The following MCPH1 variants were observed in gnomAD, a reference collection of about 807,000 sequenced individuals.
MCPH1 encodes microcephalin.
In MCPH1, 104 loss-of-function variants were observed where a neutral mutation model predicts 84.5. The ratio of observed to expected loss-of-function variants is 1.23; its 90% CI spans 1.05 to 1.45. The LOEUF (loss-of-function observed/expected upper bound fraction) is 1.45, where lower values mean the gene tolerates loss of function less well. MCPH1 is among the 40% of genes most tolerant of loss of function. The probability of loss-of-function intolerance (pLI) is 0.00; values close to 1 mark genes in which losing one functional copy is unlikely to be tolerated. For synonymous variants in MCPH1, 514 were observed against 366.8 expected (o/e 1.40, Z -4.58); for missense variants, 1,498 against 1,005.7 (o/e 1.49, Z -6.62).
chr8:6,540,910 G>T (rs1275369325), intron 12 of MCPH1, among the ~76,000 whole-genome samples: 1 of 152,272 alleles, frequency 6.6e-6, no homozygotes, highest in Non-Finnish European at 1.5e-5. Flanking sequence ...CTCCCAAGGA[G>T]CCCTGGGACA....
chr8:6,535,203 A>AG (rs988639067), intron 12 of MCPH1, among the ~76,000 whole-genome samples: 3 of 152,220 alleles, frequency 2.0e-5, no homozygotes, highest in African/African-American at 7.2e-5. Context: ...ACAACCAGAG[A>AG]GGGAAAATGA....
intron 12 of MCPH1, among the ~76,000 whole-genome samples, chr8:6,581,032 T>G (rs1172179806): frequency 6.6e-6 from 1 of 152,224 alleles, no homozygotes; most frequent in Non-Finnish European, 1.5e-5. Context: ...GCATTTACAT[T>G]GTATTAACTA....
Position 6,621,461 on chromosome 8 carries a change from G to A in MCPH1, c.2222G>A (p.Arg741Gln), listed in dbSNP as rs779231385. The change falls in exon 13 of 14, where the codon CGA becomes CAA. Residue 741 changes from arginine (R) to glutamine (Q), a missense_variant. Coordinates refer to ENST00000344683, the MANE Select transcript of MCPH1 (RefSeq NM_024596.5). ...TCTCTGTCTGCCCCACAGCTGTGCC[G>A]AAGCGAGTGCCACTTGTCTGCAGGG... ...SHHFPAAPLC[R>Q]SECHLSAGPY... The A allele has an allele frequency of 1.4e-5, 22 of 1,613,846 alleles. No individual in the cohort carries two copies. The highest frequency in any genetic ancestry group is 1.3e-4 in the Admixed American group (8 of 59,994).
chr8:6,626,100 TATG>T, intron 13 of MCPH1: 2 of 985,370 alleles, frequency 2.0e-6, no homozygotes, highest in Non-Finnish European at 2.4e-6. Flanking sequence ...ACTCCATATC[TATG>T]ACGATAAAAA....
chr8:6,503,975 A>G (rs528193381), intron 12 of MCPH1, among the ~76,000 whole-genome samples: 2 of 152,320 alleles, frequency 1.3e-5, no homozygotes, highest in African/African-American at 4.8e-5. Flanking sequence ...ACTTTCAGAT[A>G]CCTGAAGTCA....
Position 6,643,626 on chromosome 8 carries a change from A to C in MCPH1, c.*577A>C, listed in dbSNP as rs1798071382. On this transcript the variant is annotated 3_prime_UTR_variant, in exon 14 of 14. Transcript: ENST00000344683. Reference sequence around the variant, plus strand: ...CCAAATAAAGAATGGAAATTCAATGACATTGTTTTATTACTGAGAACAACT... The same window carrying C: ...CCAAATAAAGAATGGAAATTCAATGCCATTGTTTTATTACTGAGAACAACT... 6.4e-6 allele frequency: 1 copy of C among 157,242 alleles called. No homozygotes were observed. The highest frequency in any genetic ancestry group is 1.4e-5 in the Non-Finnish European group (1 of 70,886). 9.7% of individuals were successfully genotyped at this position (157,242 alleles called of 1,614,324 possible).
chr8:6,525,804 G>A (rs189767684), intron 12 of MCPH1, among the ~76,000 whole-genome samples: 3 of 152,164 alleles, frequency 2.0e-5, no homozygotes, highest in East Asian at 3.9e-4. Flanking sequence ...AAAAAAATAC[G>A]ATTTCTACAG....
At chr8:6,590,813 C>T (rs1217301089) in intron 12 of MCPH1, among the ~76,000 whole-genome samples, 1 of 152,206 alleles carries the variant, frequency 6.6e-6, no homozygotes, top group East Asian at 1.9e-4. Context: ...CACTTGACCT[C>T]CTCACAGGCC....
intron 12 of MCPH1, among the ~76,000 whole-genome samples, chr8:6,610,097 G>A (rs1036108707): frequency 4.6e-5 from 7 of 152,158 alleles, no homozygotes; most frequent in Admixed American, 6.5e-5. Context: ...AGTCATGTTC[G>A]CTATTTTTAC....
chr8:6,631,055 C>T lies in MCPH1; in HGVS notation c.2452+9364C>T, dbSNP rs1365540459. Among the ~76,000 whole-genome samples, 6 of 152,174 alleles carry T rather than the reference C, an allele frequency of 3.9e-5. No homozygotes were observed. In the South Asian group the frequency reaches 6.2e-4, roughly 16 times the overall value. On this transcript the variant is annotated intron_variant, in intron 13 of 13. Coordinates refer to ENST00000344683, the MANE Select transcript of MCPH1 (RefSeq NM_024596.5). ...GCTCTAAACAACCACCAAATGCATA[C>T]GGCAACCAGGCAAATGCCTGATAGA...
At chr8:6,411,121 C>G (rs916717430) in intron 2 of MCPH1, among the ~76,000 whole-genome samples, 1 of 152,014 alleles carries the variant, frequency 6.6e-6, no homozygotes, top group Non-Finnish European at 1.5e-5. Flanking sequence ...CTAGTAGGAT[C>G]CGATGGTGAA....
chr8:6,523,901 T>A (rs1817849543), intron 12 of MCPH1, among the ~76,000 whole-genome samples: 1 of 151,836 alleles, frequency 6.6e-6, no homozygotes, highest in Non-Finnish European at 1.5e-5. Flanking sequence ...TTTTTTTTTT[T>A]TTTTAATAAG....
Position 6,444,619 on chromosome 8 carries a change from A to G in MCPH1, c.897A>G (p.Glu299=). 1 of 1,614,244 alleles carries G rather than the reference A, an allele frequency of 6.2e-7. No individual in the cohort carries two copies. The highest frequency in any genetic ancestry group is 8.5e-7 in the Non-Finnish European group (1 of 1,180,050). ...QKFLSNLSKE[E]INLQRNIAGK... ...TTCTGAGTAATCTTTCAAAGGAAGA[A>G]ATAAACTTGCAAAGAAATATTGCAG... Residue 299 remains glutamate, a synonymous_variant, in exon 8 of 14, where the codon GAA becomes GAG. Transcript: ENST00000344683.
intron 12 of MCPH1, among the ~76,000 whole-genome samples, chr8:6,576,869 T>C (rs1827170909): frequency 6.6e-6 from 1 of 151,984 alleles, no homozygotes; most frequent in African/African-American, 2.4e-5. Flanking sequence ...CCTGGCCTAC[T>C]GTCTTCTCTA....
Position 6,647,803 on chromosome 8 carries a change from TC to T in MCPH1, c.*4755del, listed in dbSNP as rs1262307253. 6.6e-6 allele frequency: 1 copy of T among 152,204 alleles called. No homozygotes were observed. Among genetic ancestry groups the T allele is most frequent in the Non-Finnish European group, 1.5e-5 (1 of 68,030 alleles). The allele number at this position is 152,204 out of a possible 1,614,324, so 9.4% of individuals were successfully genotyped here. A position where few individuals can be genotyped will look rare whatever the true frequency, so the allele number is the denominator to read the frequency against. On this transcript the variant is annotated 3_prime_UTR_variant, in exon 14 of 14. Transcript: ENST00000344683. The stretch of plus-strand genomic sequence containing the variant: ...AAACATTTTGGGATGATGGAAACAT[TC>T]TAAAACTGGATTGTGATTTTGGTTA...
chr8:6,557,060 C>T lies in MCPH1; in HGVS notation c.2214+57131C>T, dbSNP rs541160686. ...GGTGGGCGGGGTCATATGGTGTTCA[C>T]TCACTTACGCTAATGAACTGAGAAA... On this transcript the variant is annotated intron_variant, in intron 12 of 13. Coordinates refer to ENST00000344683, the MANE Select transcript of MCPH1 (RefSeq NM_024596.5). 2.0e-5 allele frequency among the ~76,000 whole-genome samples: 3 copies of T among 152,340 alleles called. No homozygotes were observed. The East Asian group carries it at 5.8e-4, about 29-fold the overall frequency.
chr8:6,503,480 T>G (rs1442256454), intron 12 of MCPH1, among the ~76,000 whole-genome samples: 3 of 152,194 alleles, frequency 2.0e-5, no homozygotes, highest in African/African-American at 7.2e-5. Context: ...TTTACAAGCC[T>G]TCTTCCACCT....
At chr8:6,493,919 C>G (rs1463299043) in intron 11 of MCPH1, among the ~76,000 whole-genome samples, 1 of 149,382 alleles carries the variant, frequency 6.7e-6, no homozygotes, top group African/African-American at 2.4e-5. Flanking sequence ...TGCTCATGGT[C>G]ATAGTGCTTG....
intron 2 of MCPH1, among the ~76,000 whole-genome samples, chr8:6,414,154 C>T (rs550551000): frequency 1.8e-4 from 27 of 152,088 alleles, no homozygotes; most frequent in African/African-American, 2.9e-4. Flanking sequence ...TACAGGCGTC[C>T]GCCACCTTGC....
Sources: gnomAD v4.1 joint callset for allele counts (sites outside exome capture counted in the v4.1 genomes callset) on GRCh38, gnomAD v4.1.1 for gene constraint, MANE v1.5 for transcripts, NCBI Gene and HGNC (gene_info 2026-07-23, HGNC 2026-07-21) for gene names.